Variants in NUTF2 observed in about 807,000 individuals in gnomAD.
NUTF2 encodes the protein nuclear transport factor 2.
Under a neutral mutation model 18.5 loss-of-function variants are expected in NUTF2, and 3 were observed. The ratio of observed to expected loss-of-function variants is 0.16; its 90% CI spans 0.07 to 0.42. The LOEUF (loss-of-function observed/expected upper bound fraction) is 0.42, where lower values mean the gene tolerates loss of function less well. Among genes scored for constraint, NUTF2 ranks in the 10% least tolerant of loss-of-function variants. The pLI is 0.99. For synonymous variants in NUTF2, 51 were observed against 57.9 expected (o/e 0.88, Z 0.54); for missense variants, 44 against 160.7 (o/e 0.27, Z 3.93).
intron 2 of NUTF2, among the ~76,000 whole-genome samples, chr16:67,867,461 T>C (rs1466264475): frequency 6.6e-6 from 1 of 152,144 alleles, no homozygotes; most frequent in Admixed American, 6.5e-5. Flanking sequence ...GTTCTGCCCT[T>C]GAAGGCTGTG....
At chr16:67,849,330 CT>C (rs2057834176) in intron 1 of NUTF2, among the ~76,000 whole-genome samples, 1 of 152,158 alleles carries the variant, frequency 6.6e-6, no homozygotes, top group Non-Finnish European at 1.5e-5. Context: ...CCCTGGGTGA[CT>C]TGACCAGGAG....
At chr16:67,861,685 CCT>C (rs2057936312) in intron 1 of NUTF2, among the ~76,000 whole-genome samples, 1 of 152,192 alleles carries the variant, frequency 6.6e-6, no homozygotes, top group Admixed American at 6.5e-5. Context: ...GGTCAGCGGC[CCT>C]CTCACAAGAG....
chr16:67,857,136 G>A (rs891231771), intron 1 of NUTF2, among the ~76,000 whole-genome samples: 1 of 152,234 alleles, frequency 6.6e-6, no homozygotes, highest in Non-Finnish European at 1.5e-5. Flanking sequence ...GGGGAGCCAA[G>A]TCCATGTTTA....
intron 4 of NUTF2, 200 bp downstream of exon 4, chr16:67,868,799 A>G (rs2057992309): frequency 4.0e-6 from 2 of 499,430 alleles, no homozygotes; most frequent in Non-Finnish European, 7.2e-6. Context: ...ATTAAATAAA[A>G]TGTACTTCTT....
chr16:67,850,205 C>CTTTTTTTTT (rs768001106), intron 1 of NUTF2, among the ~76,000 whole-genome samples: 1 of 149,732 alleles, frequency 6.7e-6, no homozygotes. Flanking sequence ...TTCCCTGTAA[C>CTTTTTTTTT]TTCTTTTTTT....
intron 1 of NUTF2, among the ~76,000 whole-genome samples, chr16:67,861,861 C>G (rs980065218): frequency 6.6e-6 from 1 of 151,922 alleles, no homozygotes; most frequent in Non-Finnish European, 1.5e-5. Flanking sequence ...CTGGCCTGGA[C>G]CCCTCCCTCA....
intron 1 of NUTF2, among the ~76,000 whole-genome samples, chr16:67,853,939 G>T (rs567014084): frequency 1.2e-4 from 18 of 152,078 alleles, no homozygotes; most frequent in African/African-American, 4.3e-4. Context: ...CAGCCACCAC[G>T]CCTGGCCTGT....
intron 1 of NUTF2, among the ~76,000 whole-genome samples, chr16:67,861,246 G>T (rs1159017457): frequency 6.6e-6 from 1 of 152,218 alleles, no homozygotes; most frequent in African/African-American, 2.4e-5. Context: ...GACTCACAGG[G>T]TGTGGTTACA....
chr16:67,848,907 C>A (rs921137994), intron 1 of NUTF2, among the ~76,000 whole-genome samples: 1 of 152,130 alleles, frequency 6.6e-6, no homozygotes, highest in African/African-American at 2.4e-5. Flanking sequence ...TGAATATTTT[C>A]CCAGGTAATG....
intron 1 of NUTF2, among the ~76,000 whole-genome samples, chr16:67,850,614 A>G (rs2057847306): frequency 6.6e-6 from 1 of 152,194 alleles, no homozygotes; most frequent in Non-Finnish European, 1.5e-5. Context: ...GGTCTCAGAT[A>G]TAAGAGAAGT....
chr16:67,868,658 C>A, intron 4 of NUTF2, 59 bp downstream of exon 4: 1 of 1,456,096 alleles, frequency 6.9e-7, no homozygotes, highest in Non-Finnish European at 9.6e-7. Context: ...GTCTTGTACC[C>A]CTGCTTTCCC....
intron 1 of NUTF2, 92 bp from the exon 2 acceptor site, chr16:67,865,010 C>T: frequency 3.1e-6 from 2 of 653,806 alleles, no homozygotes; most frequent in Admixed American, 2.5e-5. Context: ...CAGCAAAGGA[C>T]TCCAGGAAGG....
intron 1 of NUTF2, among the ~76,000 whole-genome samples, chr16:67,855,012 G>T (rs867426223): frequency 8.3e-4 from 121 of 146,462 alleles, no homozygotes; most frequent in African/African-American, 2.3e-3. Flanking sequence ...GTGCTGGTTT[G>T]TTTTTTTTTT....
chr16:67,861,588 T>C (rs1055849412), intron 1 of NUTF2, among the ~76,000 whole-genome samples: 1 of 152,104 alleles, frequency 6.6e-6, no homozygotes, highest in Non-Finnish European at 1.5e-5. Context: ...TGGTGTTCAG[T>C]GGGTGAGAGG....
intron 1 of NUTF2, among the ~76,000 whole-genome samples, chr16:67,856,626 A>G (rs2057899932): frequency 6.6e-6 from 1 of 151,742 alleles, no homozygotes; most frequent in Non-Finnish European, 1.5e-5. Context: ...ATCCTGCCTC[A>G]GCATGCGGAG....
chr16:67,850,498 G>A (rs535648842), intron 1 of NUTF2, among the ~76,000 whole-genome samples: 6 of 152,180 alleles, frequency 3.9e-5, no homozygotes, highest in Admixed American at 3.3e-4. Context: ...GAGCCACCGC[G>A]CCTGGCCGTT....
At chr16:67,849,247 C>A (rs79174770) in intron 1 of NUTF2, among the ~76,000 whole-genome samples, 1 of 152,210 alleles carries the variant, frequency 6.6e-6, no homozygotes, top group Non-Finnish European at 1.5e-5. Flanking sequence ...AGATTGTCTG[C>A]GTGGGTACTT....
chr16:67,870,598 G>C (rs1451436288), intron 4 of NUTF2: 1 of 586,510 alleles, frequency 1.7e-6, no homozygotes, highest in Non-Finnish European at 3.0e-6. Context: ...GTGGCTGATT[G>C]TTGGCCTACA....
intron 1 of NUTF2, among the ~76,000 whole-genome samples, chr16:67,852,051 T>C (rs908426114): frequency 6.6e-6 from 1 of 151,940 alleles, no homozygotes; most frequent in Non-Finnish European, 1.5e-5. Context: ...AGCCACCTTA[T>C]ATCAAAAATT....
Sources: allele counts gnomAD v4.1 joint callset (sites outside exome capture counted in the v4.1 genomes callset), GRCh38; gene constraint gnomAD v4.1.1; transcripts MANE v1.5; gene names NCBI Gene and HGNC (gene_info 2026-07-23, HGNC 2026-07-21).